Variants in TMCC1 observed in about 807,000 individuals in gnomAD.
TMCC1 encodes transmembrane and coiled-coil domains protein 1.
Under a neutral mutation model 52.4 loss-of-function variants are expected in TMCC1, and 15 were observed. The ratio of observed to expected loss-of-function variants is 0.29; its 90% confidence interval spans 0.19 to 0.44. TMCC1 has a LOEUF of 0.44. TMCC1 is among the 20% of genes least tolerant of loss of function. TMCC1 has a pLI of 1.00. For synonymous variants in TMCC1, 279 were observed against 301.9 expected, an observed-to-expected ratio of 0.92 and a Z score of 0.79; for missense variants, 503 against 806.0, an observed-to-expected ratio of 0.62 and a Z score of 4.55.
intron 4 of TMCC1, among the ~76,000 whole-genome samples, chr3:129,760,030 T>G (rs1259705446): frequency 6.6e-6 from 1 of 150,544 alleles, no homozygotes; most frequent in African/African-American, 2.5e-5. Flanking sequence ...CCAAAAAAAT[T>G]TTTTTTAATT....
At chr3:129,886,081 T>G (rs1311777893) in intron 1 of TMCC1, among the ~76,000 whole-genome samples, 1 of 152,174 alleles carries the variant, frequency 6.6e-6, no homozygotes, top group African/African-American at 2.4e-5. Context: ...ACTCAGAGAC[T>G]GCTTGAGACC....
intron 4 of TMCC1, among the ~76,000 whole-genome samples, chr3:129,780,295 T>C (rs1463804598): frequency 6.6e-6 from 1 of 152,126 alleles, no homozygotes; most frequent in Non-Finnish European, 1.5e-5. Flanking sequence ...TCACTTTCCT[T>C]ATTTGTAAAG....
intron 4 of TMCC1, among the ~76,000 whole-genome samples, chr3:129,689,516 A>T (rs2089647551): frequency 6.6e-6 from 1 of 152,228 alleles, no homozygotes. Flanking sequence ...ACATGAAGAC[A>T]ATTTAATACA....
intron 2 of TMCC1, among the ~76,000 whole-genome samples, chr3:129,841,635 A>G (rs1424971620): frequency 6.6e-6 from 1 of 152,222 alleles, no homozygotes; most frequent in Non-Finnish European, 1.5e-5. Context: ...ATGTGTTCAC[A>G]AAGAGATAGT....
intron 1 of TMCC1, chr3:129,892,827 G>C (rs1341623155): frequency 1.3e-5 from 2 of 152,088 alleles, no homozygotes; most frequent in East Asian, 1.9e-4. Context: ...AGCTATAAAC[G>C]AATCTCTGGC....
At chr3:129,864,110 C>T (rs962611799) in intron 2 of TMCC1, among the ~76,000 whole-genome samples, 2 of 152,196 alleles carry the variant, frequency 1.3e-5, no homozygotes, top group Non-Finnish European at 1.5e-5. Context: ...AGTTCTAAGG[C>T]ACTATACTTT....
chr3:129,838,358 G>A (rs765518408), intron 2 of TMCC1, among the ~76,000 whole-genome samples: 7 of 152,208 alleles, frequency 4.6e-5, no homozygotes, highest in African/African-American at 9.6e-5. Flanking sequence ...GCAAAGAGCC[G>A]TGAGCGTCCC....
intron 4 of TMCC1, among the ~76,000 whole-genome samples, chr3:129,753,803 T>C (rs569880678): frequency 1.8e-4 from 27 of 152,258 alleles, no homozygotes; most frequent in African/African-American, 6.5e-4. Flanking sequence ...AGGATATATT[T>C]TCTCACAAGC....
intron 2 of TMCC1, chr3:129,868,824 G>T (rs2060781051): frequency 6.6e-6 from 1 of 152,100 alleles, no homozygotes; most frequent in South Asian, 2.1e-4. Context: ...TGACCCTATG[G>T]CTACAGAAAG....
chr3:129,653,310 A>T (rs1226690182), intron 6 of TMCC1, among the ~76,000 whole-genome samples: 3 of 152,236 alleles, frequency 2.0e-5, no homozygotes, highest in African/African-American at 7.2e-5. Context: ...GTGTTTTCTA[A>T]GTCAAGTCAA....
At position 129,828,797 on chromosome 3, in the gene TMCC1, T is replaced by C. The variant is rs1330164401; in HGVS notation, c.-130-289A>G. On this transcript the variant is annotated intron_variant, in intron 3 of 6. Coordinates refer to ENST00000393238, the MANE Select transcript of TMCC1 (RefSeq NM_001017395.5). This position sits in a 1 kb window ranked among gnomAD's most constrained non-coding sequence, Gnocchi z 4.1. ...ATTCAATATATACAGAATTAGATATTAGAGGAGCCATCTTGGAATGGACAC... is the reference window on the plus strand; with the variant it reads ...ATTCAATATATACAGAATTAGATATCAGAGGAGCCATCTTGGAATGGACAC... 6.6e-6 allele frequency among the ~76,000 whole-genome samples: 1 copy of C among 152,174 alleles called. No homozygotes were observed. Among genetic ancestry groups the C allele is most frequent in the African/African-American group, 2.4e-5 (1 of 41,432 alleles).
chr3:129,775,168 G>C (rs902028735), intron 4 of TMCC1, among the ~76,000 whole-genome samples: 2 of 152,056 alleles, frequency 1.3e-5, no homozygotes, highest in Non-Finnish European at 2.9e-5. Context: ...TTGAAGGCTG[G>C]GTGTGGTGGC....
intron 4 of TMCC1, among the ~76,000 whole-genome samples, chr3:129,692,941 C>T (rs994121226): frequency 6.6e-5 from 10 of 152,258 alleles, no homozygotes; most frequent in Admixed American, 1.3e-4. Flanking sequence ...CTCCCGGGCT[C>T]AAGTGATCCT....
chr3:129,769,713 C>T (rs1043511264), intron 4 of TMCC1, among the ~76,000 whole-genome samples: 19 of 152,116 alleles, frequency 1.2e-4, no homozygotes, highest in African/African-American at 4.3e-4. Flanking sequence ...AATGTTCTTA[C>T]ACTAACATCT....
chr3:129,668,572 T>G (rs1045036285), intron 5 of TMCC1, among the ~76,000 whole-genome samples: 7 of 152,344 alleles, frequency 4.6e-5, no homozygotes, highest in African/African-American at 7.2e-5. Flanking sequence ...CATTTGAATA[T>G]CTGTTATATC....
chr3:129,893,201 G>T (rs551401731), intron 1 of TMCC1: 1 of 152,342 alleles, frequency 6.6e-6, no homozygotes, highest in East Asian at 1.9e-4. Context: ...GGGATGCTGG[G>T]AAGGGAACGA....
chr3:129,689,831 A>G (rs936663598), intron 4 of TMCC1, among the ~76,000 whole-genome samples: 1 of 152,222 alleles, frequency 6.6e-6, no homozygotes, highest in Non-Finnish European at 1.5e-5. Flanking sequence ...GACTTTCCAC[A>G]ACAAATTAAT....
At chr3:129,783,776 T>G (rs72985371) in intron 4 of TMCC1, among the ~76,000 whole-genome samples, 14,750 of 152,248 alleles carry the variant, frequency 0.097, 844 homozygotes, top group Middle Eastern at 0.16. Flanking sequence ...TTAAATGGTC[T>G]GTCTAAAATT....
chr3:129,875,697 T>A (rs2061170319), intron 2 of TMCC1, among the ~76,000 whole-genome samples: 1 of 151,896 alleles, frequency 6.6e-6, no homozygotes, highest in South Asian at 2.1e-4. Flanking sequence ...CAATACATAT[T>A]TTTTTTAATA....
Sources: gnomAD v4.1 joint callset for allele counts (sites outside exome capture counted in the v4.1 genomes callset) on GRCh38, gnomAD v4.1.1 for gene constraint, Gnocchi (gnomAD v3.1) non-coding constraint, MANE v1.5 for transcripts, NCBI Gene and HGNC (gene_info 2026-07-23, HGNC 2026-07-21) for gene names.